Variants in PCDHGB1 observed in about 807,000 individuals in gnomAD.
PCDHGB1 encodes protocadherin gamma subfamily B, 1.
A neutral mutation model predicts 56.6 loss-of-function variants in PCDHGB1; 34 were observed. The ratio of observed to expected loss-of-function variants is 0.60; its 90% confidence interval spans 0.46 to 0.80. The LOEUF (loss-of-function observed/expected upper bound fraction) is 0.80. PCDHGB1 is among the 30% of genes least tolerant of loss of function. The pLI is 0.00. For missense variants in PCDHGB1, 1,278 were observed against 1,204.6 expected (o/e 1.06, Z -0.90); for synonymous variants, 561 against 505.9 (o/e 1.11, Z -1.46).
At chr5:141,400,385 C>G (rs903146096) in intron 1 of PCDHGB1, 1 of 1,614,074 alleles carries the variant, frequency 6.2e-7, no homozygotes, top group Admixed American at 1.7e-5. Flanking sequence ...CTATGTGTTG[C>G]ACATACAGGA....
At chr5:141,455,360 A>C (rs2098820130) in intron 1 of PCDHGB1, among the ~76,000 whole-genome samples, 1 of 152,112 alleles carries the variant, frequency 6.6e-6, no homozygotes, top group Non-Finnish European at 1.5e-5. Context: ...TTAATAGGCA[A>C]GAAGGAAGGG....
intron 2 of PCDHGB1, among the ~76,000 whole-genome samples, chr5:141,496,411 CT>C (rs1266082660): frequency 6.6e-6 from 1 of 152,190 alleles, no homozygotes; most frequent in African/African-American, 2.4e-5. Context: ...TGGTTGAGTA[CT>C]TGCTGTCCAC....
intron 1 of PCDHGB1, chr5:141,418,432 T>C (rs954268296): frequency 1.9e-6 from 3 of 1,613,838 alleles, no homozygotes; most frequent in African/African-American, 1.3e-5. Context: ...GTGGCAAATA[T>C]CCAGAATTAG....
intron 1 of PCDHGB1, chr5:141,360,515 A>G (rs761181928): frequency 6.2e-7 from 1 of 1,613,898 alleles, no homozygotes. Flanking sequence ...CAGGATATAA[A>G]TGATAATACC....
Position 141,491,340 on chromosome 5 carries a change from C to T in PCDHGB1, c.2410-3467C>T, listed in dbSNP as rs772328241. The T allele has an allele frequency of 3.7e-6, 6 of 1,614,144 alleles. No individual in the cohort carries two copies. The Admixed American group carries it at 6.7e-5, about 18-fold the overall frequency. ...TTTACCTCATTGTGGCTCTAGCGAC[C>T]GTCAGTCTCTTATCCCTAGTCACCT... On this transcript the variant is annotated intron_variant, in intron 1 of 3. Transcript: ENST00000523390. This position sits in a 1 kb window ranked among gnomAD's most constrained non-coding sequence, Gnocchi z 6.9.
At chr5:141,478,443 C>T (rs2099456258) in intron 1 of PCDHGB1, 3 of 1,613,494 alleles carry the variant, frequency 1.9e-6, no homozygotes, top group Admixed American at 1.7e-5. Flanking sequence ...CTGAAGAAAC[C>T]TGGTGCAGCC....
rs2099691833 is a variant in PCDHGB1, at chr5:141,489,761, C to A, written c.2410-5046C>A. 8.1e-6 allele frequency: 13 copies of A among 1,614,102 alleles called. No individual in the cohort carries two copies. The highest frequency in any genetic ancestry group is 1.1e-5 in the Non-Finnish European group (13 of 1,179,962). ...ACTGTGAGCTTTTACACTCTAAGCCCCAACAGCCACTTCTCTCTGAATGTG... is the reference window on the plus strand; with the variant it reads ...ACTGTGAGCTTTTACACTCTAAGCCACAACAGCCACTTCTCTCTGAATGTG... On this transcript the variant is annotated intron_variant, in intron 1 of 3. Coordinates refer to ENST00000523390, the MANE Select transcript of PCDHGB1 (RefSeq NM_018922.3). The surrounding 1 kb of genome is among the most constrained non-coding windows in gnomAD (Gnocchi z 4.5).
At position 141,478,736 on chromosome 5, in the gene PCDHGB1, T is replaced by G; in HGVS notation, c.2410-16071T>G. On this transcript the variant is annotated intron_variant, in intron 1 of 3. Coordinates refer to ENST00000523390, the MANE Select transcript of PCDHGB1 (RefSeq NM_018922.3). Reference sequence around the variant, plus strand: ...TGGTGGCCTGCCAGAGTGTGGTTTGTGGTCCCATTTCAGGGGGAAGATACT... The same window carrying G: ...TGGTGGCCTGCCAGAGTGTGGTTTGGGGTCCCATTTCAGGGGGAAGATACT... 5 of 1,534,796 alleles carry G rather than the reference T, an allele frequency of 3.3e-6. No homozygotes were observed. In the South Asian group the frequency reaches 6.2e-5, roughly 19 times the overall value.
intron 1 of PCDHGB1, among the ~76,000 whole-genome samples, chr5:141,482,104 AAT>A (rs1452930297): frequency 2.7e-5 from 4 of 150,286 alleles, no homozygotes; most frequent in Non-Finnish European, 5.9e-5. Context: ...AAAAAAAAAA[AAT>A]ATCTAGAGAT....
At chr5:141,414,812 T>C (rs1389980970) in intron 1 of PCDHGB1, 1 of 1,614,172 alleles carries the variant, frequency 6.2e-7, no homozygotes, top group South Asian at 1.1e-5. Flanking sequence ...GATCCTCCAC[T>C]CAGCAGCAAC....
At chr5:141,435,863 C>T (rs772361494) in intron 1 of PCDHGB1, among the ~76,000 whole-genome samples, 16 of 151,882 alleles carry the variant, frequency 1.1e-4, no homozygotes, top group Non-Finnish European at 2.2e-4. Context: ...TAGTTAAAAC[C>T]CAGAAAAGAG....
At chr5:141,419,576 G>A (rs958064613) in intron 1 of PCDHGB1, 10 of 1,611,766 alleles carry the variant, frequency 6.2e-6, no homozygotes, top group Non-Finnish European at 6.8e-6. Flanking sequence ...CGACGGCTCC[G>A]CGCTCTTCGA....
Position 141,489,088 on chromosome 5 carries a change from G to GCCA in PCDHGB1, c.2410-5719_2410-5718insCCA. ...CCCCTGCCCACCCCCGCCACTCGGTGACTAAGAACTGCTGCAAGCAGGCAA... is the reference window on the plus strand; with the variant it reads ...CCCCTGCCCACCCCCGCCACTCGGTGCCAACTAAGAACTGCTGCAAGCAGGCAA... On this transcript the variant is annotated intron_variant, in intron 1 of 3. Coordinates refer to ENST00000523390, the MANE Select transcript of PCDHGB1 (RefSeq NM_018922.3). This position sits in a 1 kb window ranked among gnomAD's most constrained non-coding sequence, Gnocchi z 4.5. The GCCA allele has an allele frequency of 2.9e-6, 1 of 347,238 alleles. No individual in the cohort carries two copies. 21.5% of individuals were successfully genotyped at this position (347,238 alleles called of 1,614,324 possible). A position where few individuals can be genotyped will look rare whatever the true frequency, so the allele number is the denominator to read the frequency against.
At chr5:141,459,885 C>A (rs1333668105) in intron 1 of PCDHGB1, among the ~76,000 whole-genome samples, 1 of 152,106 alleles carries the variant, frequency 6.6e-6, no homozygotes, top group East Asian at 1.9e-4. Flanking sequence ...CTGAGCTGAA[C>A]GCCTTCTTAA....
chr5:141,488,634 G>A (rs937680420), intron 1 of PCDHGB1, among the ~76,000 whole-genome samples: 4 of 152,150 alleles, frequency 2.6e-5, no homozygotes, highest in Non-Finnish European at 4.4e-5. Context: ...CACCTTAGCA[G>A]CATTCAGCAG....
chr5:141,478,767 C>T (rs953695562), intron 1 of PCDHGB1: 44 of 1,500,650 alleles, frequency 2.9e-5, no homozygotes, highest in Non-Finnish European at 3.9e-5. Context: ...ATACTTGACT[C>T]ATCTGTGGAC....
At chr5:141,408,812 G>T (rs1383299883) in intron 1 of PCDHGB1, 2 of 1,613,454 alleles carry the variant, frequency 1.2e-6, no homozygotes, top group Non-Finnish European at 8.5e-7. Context: ...AGACCGGGAA[G>T]AACAGAGATC....
intron 1 of PCDHGB1, chr5:141,399,419 G>T (rs778389329): frequency 6.2e-7 from 1 of 1,614,000 alleles, no homozygotes; most frequent in Admixed American, 1.7e-5. Context: ...CTCTCCTCCA[G>T]CATAAGCGTC....
At chr5:141,370,456 T>A (rs889377616) in intron 1 of PCDHGB1, 17 of 1,611,826 alleles carry the variant, frequency 1.1e-5, no homozygotes, top group Non-Finnish European at 1.3e-5. Flanking sequence ...TTTCTCTTCC[T>A]GCTCTCTTTG....
Sources: gnomAD v4.1 joint callset for allele counts (sites outside exome capture counted in the v4.1 genomes callset) on GRCh38, gnomAD v4.1.1 for gene constraint, Gnocchi (gnomAD v3.1) non-coding constraint, MANE v1.5 for transcripts, NCBI Gene and HGNC (gene_info 2026-07-23, HGNC 2026-07-21) for gene names.